EPHA6: variants seen among roughly 807,000 people sequenced by gnomAD.
EPHA6 encodes the protein ephrin type-A receptor 6.
A neutral mutation model predicts 112.0 loss-of-function variants in EPHA6; 50 were observed. That is an observed-to-expected ratio of 0.45 (90% CI 0.36 to 0.56). The LOEUF is 0.56. Among genes scored for constraint, EPHA6 ranks in the 20% least tolerant of loss-of-function variants. EPHA6 has a pLI of 0.00. For missense variants in EPHA6, 1,280 were observed against 1,417.4 expected, an observed-to-expected ratio of 0.90 and a Z score of 1.56; for synonymous variants, 529 against 490.7, an observed-to-expected ratio of 1.08 and a Z score of -1.03.
intron 5 of EPHA6, among the ~76,000 whole-genome samples, chr3:97,312,100 T>C (rs1018413383): frequency 1.3e-5 from 2 of 151,662 alleles, no homozygotes; most frequent in African/African-American, 2.4e-5. Flanking sequence ...TGCTAGCATA[T>C]AGAAATACAA....
intron 5 of EPHA6, among the ~76,000 whole-genome samples, chr3:97,383,287 T>C (rs2085858592): frequency 6.6e-6 from 1 of 152,132 alleles, no homozygotes; most frequent in Non-Finnish European, 1.5e-5. Flanking sequence ...GTGGAAATTA[T>C]GTCTATATTC....
At chr3:96,931,255 C>T (rs555564666) in intron 2 of EPHA6, among the ~76,000 whole-genome samples, 118 of 151,876 alleles carry the variant, frequency 7.8e-4, no homozygotes, top group Non-Finnish European at 1.2e-3. Context: ...AGGTCCCACC[C>T]AGTGAGGAGG....
rs1162524231 is a variant in EPHA6 at position 97,638,070 on chromosome 3, T to G, written c.2772T>G (p.Ala924=). ...SRVLEDDPEA[A]YTTTGGKIPI... The stretch of plus-strand genomic sequence containing the variant: ...TGCTGGAAGATGATCCAGAAGCTGC[T>G]TATACAACAACTGTAAGTTTATATG... Residue 924 remains alanine, a synonymous_variant, in exon 14 of 18, where the codon GCT becomes GCG. Transcript: ENST00000389672. 2 of 1,612,488 alleles carry G rather than the reference T, an allele frequency of 1.2e-6. No homozygotes were observed. Among genetic ancestry groups the G allele is most frequent in the Non-Finnish European group, 1.7e-6 (2 of 1,179,000 alleles).
chr3:96,827,618 A>G (rs1306531641), intron 1 of EPHA6, among the ~76,000 whole-genome samples: 1 of 152,138 alleles, frequency 6.6e-6, no homozygotes, highest in Non-Finnish European at 1.5e-5. Context: ...TTCCACTTTT[A>G]TGAATTTAAA....
At chr3:97,521,866 A>T (rs948769706) in intron 10 of EPHA6, among the ~76,000 whole-genome samples, 1 of 149,714 alleles carries the variant, frequency 6.7e-6, no homozygotes, top group Admixed American at 6.7e-5. Flanking sequence ...AATGGTCAAT[A>T]TGATCTGCAA....
At chr3:97,125,330 T>C (rs368908308) in intron 3 of EPHA6, among the ~76,000 whole-genome samples, 3 of 152,224 alleles carry the variant, frequency 2.0e-5, no homozygotes, top group South Asian at 4.1e-4. Flanking sequence ...AAGTACAGAA[T>C]ATTTCTATAG....
At chr3:97,601,007 C>T (rs1217789121) in intron 12 of EPHA6, among the ~76,000 whole-genome samples, 4 of 151,960 alleles carry the variant, frequency 2.6e-5, no homozygotes, top group Non-Finnish European at 5.9e-5. Context: ...ACTAAGCCTT[C>T]TTATTAGCAT....
intron 10 of EPHA6, among the ~76,000 whole-genome samples, chr3:97,508,450 G>A (rs1407466339): frequency 1.3e-5 from 2 of 152,176 alleles, no homozygotes; most frequent in Non-Finnish European, 2.9e-5. Flanking sequence ...AGGTTGTTGA[G>A]TTTCCATGTA....
At chr3:97,176,982 A>G (rs2076854497) in intron 3 of EPHA6, among the ~76,000 whole-genome samples, 1 of 150,674 alleles carries the variant, frequency 6.6e-6, no homozygotes, top group Admixed American at 6.6e-5. Flanking sequence ...CAGATTGTTT[A>G]TTTGGAGTTT....
chr3:97,538,303 A>G (rs1351607663), intron 11 of EPHA6, among the ~76,000 whole-genome samples: 5 of 152,176 alleles, frequency 3.3e-5, no homozygotes, highest in Admixed American at 2.0e-4. Flanking sequence ...TCTTGATTGT[A>G]TAGGGGGAAT....
At chr3:97,240,050 C>T (rs777793256) in intron 4 of EPHA6, among the ~76,000 whole-genome samples, 9 of 151,662 alleles carry the variant, frequency 5.9e-5, no homozygotes, top group Non-Finnish European at 1.2e-4. Context: ...TGGTTCCTTC[C>T]TGTGCTAAGA....
intron 3 of EPHA6, among the ~76,000 whole-genome samples, chr3:96,990,620 G>T (rs780708849): frequency 6.6e-6 from 1 of 152,004 alleles, no homozygotes; most frequent in African/African-American, 2.4e-5. Flanking sequence ...ATAATGAATT[G>T]CTATTTATAA....
intron 7 of EPHA6, among the ~76,000 whole-genome samples, chr3:97,475,143 AT>A (rs3217696): frequency 0.19 from 28,645 of 151,806 alleles, 4,034 homozygotes; most frequent in African/African-American, 0.38. Flanking sequence ...GGACAGGTTT[AT>A]GTTGTGGGTT....
At chr3:97,554,193 G>C (rs1263369700) in intron 11 of EPHA6, among the ~76,000 whole-genome samples, 1 of 151,882 alleles carries the variant, frequency 6.6e-6, no homozygotes, top group East Asian at 1.9e-4. Flanking sequence ...AAAACAAAAA[G>C]TATAAGAAGT....
chr3:97,086,776 G>A (rs139409420), intron 3 of EPHA6, among the ~76,000 whole-genome samples: 5 of 151,874 alleles, frequency 3.3e-5, no homozygotes, highest in African/African-American at 7.3e-5. Flanking sequence ...TTGTACATGG[G>A]AATTTATTAC....
intron 2 of EPHA6, among the ~76,000 whole-genome samples, chr3:96,889,630 T>C (rs575095066): frequency 1.3e-5 from 2 of 152,198 alleles, no homozygotes; most frequent in African/African-American, 4.8e-5. Context: ...GTAGGAATTA[T>C]GTGAGTACAA....
intron 3 of EPHA6, among the ~76,000 whole-genome samples, chr3:97,181,768 T>A (rs991958743): frequency 1.3e-5 from 2 of 152,108 alleles, no homozygotes; most frequent in Non-Finnish European, 2.9e-5. Context: ...TGACCTTTTT[T>A]AAAAAAGCAA....
At chr3:97,269,162 A>G (rs544808025) in intron 5 of EPHA6, among the ~76,000 whole-genome samples, 1 of 152,302 alleles carries the variant, frequency 6.6e-6, no homozygotes, top group East Asian at 1.9e-4. Context: ...ACATACGCCA[A>G]TTGTCCAAAG....
chr3:97,018,323 A>T (rs1468233371), intron 3 of EPHA6, among the ~76,000 whole-genome samples: 1 of 152,070 alleles, frequency 6.6e-6, no homozygotes, highest in Non-Finnish European at 1.5e-5. Context: ...GTAGAAATAA[A>T]GACACAAGAC....
Sources: allele counts gnomAD v4.1 joint callset (sites outside exome capture counted in the v4.1 genomes callset), GRCh38; gene constraint gnomAD v4.1.1; transcripts MANE v1.5; gene names NCBI Gene and HGNC (gene_info 2026-07-23, HGNC 2026-07-21).